Variants in DENND2C observed in about 807,000 individuals in gnomAD.
The protein encoded by DENND2C is DENN domain containing 2C.
In DENND2C, 72 loss-of-function variants were observed where a neutral mutation model predicts 112.4. The ratio of observed to expected loss-of-function variants is 0.64; its 90% CI spans 0.53 to 0.78. DENND2C has a LOEUF of 0.78. Among genes scored for constraint, DENND2C ranks in the 30% least tolerant of loss-of-function variants. The probability of loss-of-function intolerance (pLI) is 0.00; values close to 1 mark genes in which losing one functional copy is unlikely to be tolerated. For synonymous variants in DENND2C, 329 were observed against 381.6 expected, an observed-to-expected ratio of 0.86 and a Z score of 1.61; for missense variants, 992 against 1,113.8, an observed-to-expected ratio of 0.89 and a Z score of 1.56.
chr1:114,583,018 A>C lies in DENND2C; in HGVS notation c.*2582T>G, dbSNP rs2101633767. The C allele has an allele frequency of 6.6e-6, 1 of 152,370 alleles. No individual in the cohort carries two copies. Among genetic ancestry groups the C allele is most frequent in the African/African-American group, 2.4e-5 (1 of 41,586 alleles). The allele number at this position is 152,370 out of a possible 1,614,324, so 9.4% of individuals were successfully genotyped here. On this transcript the variant is annotated 3_prime_UTR_variant, in exon 21 of 21. Transcript: ENST00000393274. Reference sequence around the variant, plus strand: ...GCGAGGATGAAGACACCATTGCTGAAGCAAAGGTCTCCTCCTAGAGGGATA... The same window carrying C: ...GCGAGGATGAAGACACCATTGCTGACGCAAAGGTCTCCTCCTAGAGGGATA...
intron 3 of DENND2C, among the ~76,000 whole-genome samples, chr1:114,629,864 A>G (rs1656440840): frequency 1.3e-5 from 2 of 152,226 alleles, no homozygotes; most frequent in South Asian, 4.1e-4. Flanking sequence ...CAAGTCTTGG[A>G]TAGGGCAAGT....
rs1655081958 is a variant in DENND2C at position 114,587,824 on chromosome 1, T to TA, written c.2559dup (p.Lys854Ter). On this transcript the variant is annotated frameshift_variant, in exon 19 of 21. Transcript: ENST00000393274. LOFTEE classifies it high-confidence loss of function. ...CGTACACTTCGGGAGGTGTGGGACT[T>TA]ACGGAATGGTTCCCTTTGGAAAACA... 6.2e-7 allele frequency: 1 copy of TA among 1,614,132 alleles called. No homozygotes were observed. Among genetic ancestry groups the TA allele is most frequent in the Non-Finnish European group, 8.5e-7 (1 of 1,180,016 alleles).
At chr1:114,657,103 C>T (rs2101694963) in intron 1 of DENND2C, among the ~76,000 whole-genome samples, 1 of 152,318 alleles carries the variant, frequency 6.6e-6, no homozygotes, top group East Asian at 1.9e-4. Context: ...TCCAAAGAGG[C>T]TGTACTAATT....
chr1:114,657,281 G>A (rs904228138), intron 1 of DENND2C, among the ~76,000 whole-genome samples: 9 of 151,782 alleles, frequency 5.9e-5, no homozygotes, highest in Non-Finnish European at 8.8e-5. Flanking sequence ...GTTTCTTATC[G>A]TACCATATTT....
Position 114,608,850 on chromosome 1 carries a change from GTTGTGCTAAGCGTTTA to G in DENND2C, c.1377_1392del (p.Lys460CysfsTer42). ...GGATTCCTCTTGGAAGACGGTTGCA[GTTGTGCTAAGCGTTTA>G]TGGCGATCTGTAATGAAATCATGGA... On this transcript the variant is annotated frameshift_variant, in exon 10 of 21. Transcript: ENST00000393274. LOFTEE classifies it high-confidence loss of function. The G allele has an allele frequency of 6.2e-7, 1 of 1,614,190 alleles. No individual in the cohort carries two copies. Among genetic ancestry groups the G allele is most frequent in the Non-Finnish European group, 8.5e-7 (1 of 1,180,030 alleles).
chr1:114,645,657 T>C (rs1368320777), intron 2 of DENND2C, 98 bp from the exon 3 acceptor site: 2 of 152,210 alleles, frequency 1.3e-5, no homozygotes, highest in African/African-American at 4.8e-5. Context: ...AGAATACTTA[T>C]TTGTCAATTC....
intron 16 of DENND2C, 117 bp from the exon 17 acceptor site, chr1:114,595,990 AATC>A: frequency 1.2e-6 from 1 of 849,800 alleles, no homozygotes; most frequent in Non-Finnish European, 1.9e-6. Flanking sequence ...AAAGTTAGCC[AATC>A]AACACAACAA....
intron 3 of DENND2C, among the ~76,000 whole-genome samples, chr1:114,637,106 A>AT (rs1337306051): frequency 3.0e-4 from 1 of 3,386 alleles, no homozygotes; most frequent in Non-Finnish European, 7.2e-4. Context: ...ACAAAAATAC[A>AT]AAAAAAAACC....
At chr1:114,605,843 T>G (rs965467001) in intron 10 of DENND2C, among the ~76,000 whole-genome samples, 50 of 152,310 alleles carry the variant, frequency 3.3e-4, no homozygotes, top group African/African-American at 1.2e-3. Context: ...CCATATATAA[T>G]CATTTCCTTT....
intron 2 of DENND2C, among the ~76,000 whole-genome samples, chr1:114,646,151 T>G (rs1163629269): frequency 1.3e-5 from 2 of 152,032 alleles, no homozygotes; most frequent in Non-Finnish European, 2.9e-5. Flanking sequence ...ATGGTCTCGA[T>G]CTCCTGACCT....
At chr1:114,601,161 T>G (rs757376317) in intron 13 of DENND2C, among the ~76,000 whole-genome samples, 5 of 152,140 alleles carry the variant, frequency 3.3e-5, no homozygotes, top group Non-Finnish European at 5.9e-5. Flanking sequence ...GAAAAGTTAC[T>G]AACATAAATC....
At chr1:114,608,152 C>G (rs1184467611) in intron 10 of DENND2C, among the ~76,000 whole-genome samples, 1 of 152,048 alleles carries the variant, frequency 6.6e-6, no homozygotes, top group Non-Finnish European at 1.5e-5. Context: ...TGGCACACGC[C>G]TGTAGTCCCA....
intron 7 of DENND2C, among the ~76,000 whole-genome samples, chr1:114,619,529 C>T (rs1030386858): frequency 2.2e-4 from 33 of 152,118 alleles, no homozygotes; most frequent in African/African-American, 7.2e-4. Context: ...CAACCACTCA[C>T]CCCCCAAAAA....
rs1557948589 is a variant in DENND2C, at chr1:114,623,108, A to C, written c.944-9T>G. 6.3e-7 allele frequency: 1 copy of C among 1,593,946 alleles called. No individual in the cohort carries two copies. Among genetic ancestry groups the C allele is most frequent in the Non-Finnish European group, 8.5e-7 (1 of 1,171,868 alleles). On this transcript the variant is annotated splice_polypyrimidine_tract_variant and intron_variant, in intron 5 of 20. Transcript: ENST00000393274. The stretch of plus-strand genomic sequence containing the variant: ...ATTTTCTTTGGTGGGATCTTAAAAA[A>C]TAATTTAAAAAAATGTTTACATGAA...
At chr1:114,656,708 T>G (rs1006444974) in intron 1 of DENND2C, among the ~76,000 whole-genome samples, 1 of 150,272 alleles carries the variant, frequency 6.7e-6, no homozygotes, top group Non-Finnish European at 1.5e-5. Context: ...AACATTCTTA[T>G]ATGTATCTTT....
At chr1:114,587,569 GC>G (rs746170341) in intron 19 of DENND2C, 96 bp from the exon 20 acceptor site, 35 of 1,471,992 alleles carry the variant, frequency 2.4e-5, no homozygotes, top group Non-Finnish European at 3.3e-5. Context: ...TATTTCCAGG[GC>G]TAAAACAATA....
In DENND2C at chr1:114,584,800, C is replaced by T. The variant is rs1325905520; in HGVS notation, c.*800G>A. 1.3e-5 allele frequency: 2 copies of T among 152,044 alleles called. No individual in the cohort carries two copies. Among genetic ancestry groups the T allele is most frequent in the Non-Finnish European group, 2.9e-5 (2 of 68,014 alleles). The allele number at this position is 152,044 out of a possible 1,614,324, so 9.4% of individuals were successfully genotyped here. A position where few individuals can be genotyped will look rare whatever the true frequency, so the allele number is the denominator to read the frequency against. ...TAAAATGTTTTTGTAGAGATGGGAT[C>T]TTGCTATGTTGCCCAGGCTAGTCTC... is the stretch of plus-strand genomic sequence containing the variant. On this transcript the variant is annotated 3_prime_UTR_variant, in exon 21 of 21. Coordinates refer to ENST00000393274, the MANE Select transcript of DENND2C (RefSeq NM_001256404.2).
Position 114,585,449 on chromosome 1 carries a change from C to T in DENND2C, c.*151G>A. On this transcript the variant is annotated 3_prime_UTR_variant, in exon 21 of 21. Transcript: ENST00000393274. ...TCTCCAGTGATTACTACAGCAGCAA[C>T]AGGAGAATCCTCCTCTAACAGCCTG... The T allele has an allele frequency of 1.4e-6, 1 of 735,762 alleles. No homozygotes were observed. 45.6% of individuals were successfully genotyped at this position (735,762 alleles called of 1,614,324 possible).
intron 3 of DENND2C, among the ~76,000 whole-genome samples, chr1:114,637,304 G>A (rs915075773): frequency 3.1e-4 from 46 of 150,024 alleles, no homozygotes; most frequent in Non-Finnish European, 6.1e-4. Flanking sequence ...AGGAGGTGGA[G>A]GCTGTAGTGA....
Sources: allele counts gnomAD v4.1 joint callset (sites outside exome capture counted in the v4.1 genomes callset), GRCh38; gene constraint gnomAD v4.1.1; transcripts MANE v1.5; gene names NCBI Gene and HGNC (gene_info 2026-07-23, HGNC 2026-07-21).